ME3: variants seen among roughly 807,000 people sequenced by gnomAD.
ME3 encodes NADP-dependent malic enzyme, mitochondrial.
A neutral mutation model predicts 68.9 loss-of-function variants in ME3; 48 were observed. The observed-to-expected ratio is 0.70, with a 90% CI of 0.55 to 0.89. The LOEUF is 0.89. Ranked by LOEUF, ME3 falls within the 40% of genes least tolerant of loss-of-function variation. ME3 has a pLI of 0.00. For missense variants in ME3, 675 were observed against 797.4 expected (o/e 0.85, Z 1.85); for synonymous variants, 320 against 318.8 (o/e 1.00, Z -0.04).
At chr11:86,655,933 G>A (rs1353645672) in intron 2 of ME3, among the ~76,000 whole-genome samples, 3 of 152,020 alleles carry the variant, frequency 2.0e-5, no homozygotes, top group South Asian at 4.2e-4. Flanking sequence ...CAAAAAGTGG[G>A]CCAAGGACAT....
rs560490304 is a variant in ME3 at position 86,598,180 on chromosome 11, G to C, written c.184-38357C>G. Among the ~76,000 whole-genome samples the C allele has an allele frequency of 2.0e-5, 3 of 152,318 alleles. No individual in the cohort carries two copies. In the East Asian group the frequency reaches 5.8e-4, roughly 30 times the overall value. ...CTCGGGAAGTGCAAGGGGTCAGGGA[G>C]TTCCCTTTCCTGGTCAAGGAAAGGG... On this transcript the variant is annotated intron_variant, in intron 2 of 14. Coordinates refer to ENST00000543262, the Ensembl canonical transcript of ME3.
intron 8 of ME3, among the ~76,000 whole-genome samples, chr11:86,459,154 T>C (rs889557716): frequency 2.0e-5 from 3 of 152,126 alleles, no homozygotes; most frequent in African/African-American, 7.2e-5. Flanking sequence ...AGGAAGAGAA[T>C]TCTAGGCAGA....
intron 4 of ME3, among the ~76,000 whole-genome samples, chr11:86,546,712 T>C (rs1158790876): frequency 6.6e-6 from 1 of 152,138 alleles, no homozygotes; most frequent in Non-Finnish European, 1.5e-5. Context: ...TTTTACACTG[T>C]TGGTGAGAGT....
At chr11:86,489,406 T>C (rs952415165) in intron 6 of ME3, among the ~76,000 whole-genome samples, 1 of 152,220 alleles carries the variant, frequency 6.6e-6, no homozygotes, top group Non-Finnish European at 1.5e-5. Flanking sequence ...AATTATAACA[T>C]ATGCTATAAA....
chr11:86,632,728 A>G (rs1156233030), intron 2 of ME3, among the ~76,000 whole-genome samples: 1 of 152,206 alleles, frequency 6.6e-6, no homozygotes, highest in African/African-American at 2.4e-5. Context: ...ACTGCACTCC[A>G]GAGACCTTGG....
chr11:86,532,661 T>C (rs756626214), intron 4 of ME3, among the ~76,000 whole-genome samples: 2 of 152,152 alleles, frequency 1.3e-5, no homozygotes, highest in African/African-American at 4.8e-5. Context: ...AATTTAAAAA[T>C]ATCTTGAGAT....
At chr11:86,604,259 G>A (rs1961263379) in intron 2 of ME3, among the ~76,000 whole-genome samples, 1 of 152,070 alleles carries the variant, frequency 6.6e-6, no homozygotes, top group African/African-American at 2.4e-5. Context: ...CTGTGTTGGT[G>A]TTAAAGCTGG....
intron 4 of ME3, among the ~76,000 whole-genome samples, chr11:86,544,153 G>C (rs951130685): frequency 1.3e-5 from 2 of 152,206 alleles, no homozygotes; most frequent in African/African-American, 4.8e-5. Flanking sequence ...CACAGCTAAA[G>C]CGGTGTTTAG....
intron 2 of ME3, among the ~76,000 whole-genome samples, chr11:86,604,673 ATAT>A (rs1043272706): frequency 1.1e-4 from 17 of 152,312 alleles, no homozygotes; most frequent in African/African-American, 3.6e-4. Flanking sequence ...AATGAGGCAG[ATAT>A]TATTATTTTC....
chr11:86,507,009 C>G (rs1953128571), intron 5 of ME3, among the ~76,000 whole-genome samples: 1 of 152,166 alleles, frequency 6.6e-6, no homozygotes. Context: ...AAATGATACC[C>G]AGACACAGAT....
intron 5 of ME3, among the ~76,000 whole-genome samples, chr11:86,500,522 C>A (rs1952656630): frequency 1.3e-5 from 2 of 152,246 alleles, no homozygotes; most frequent in Non-Finnish European, 2.9e-5. Context: ...TCCTGCCAAC[C>A]AATGTCAGAT....
intron 2 of ME3, among the ~76,000 whole-genome samples, chr11:86,590,350 G>A (rs1040984597): frequency 2.0e-5 from 3 of 152,154 alleles, no homozygotes; most frequent in African/African-American, 7.2e-5. Context: ...GAGAAAGCAA[G>A]GTTAAGAGAA....
intron 8 of ME3, among the ~76,000 whole-genome samples, chr11:86,462,328 G>A (rs1307451477): frequency 6.6e-6 from 1 of 152,178 alleles, no homozygotes; most frequent in Non-Finnish European, 1.5e-5. Context: ...ATAAAATAGG[G>A]ATAGATACTA....
Position 86,450,832 on chromosome 11 carries a change from A to G in ME3, c.920-434T>C, listed in dbSNP as rs117536727. ...ATGGCCTGAGCTGCCCATCTTATCT[A>G]CCAAGTCATAAGGTTGGCTGTGTCT... On this transcript the variant is annotated intron_variant, in intron 8 of 14. Coordinates refer to ENST00000543262, the Ensembl canonical transcript of ME3. 1.0e-2 allele frequency among the ~76,000 whole-genome samples: 1,518 copies of G among 152,342 alleles called. 10 individuals carry two copies. Among genetic ancestry groups the G allele is most frequent in the Non-Finnish European group, 0.016 (1,103 of 68,034 alleles).
intron 4 of ME3, among the ~76,000 whole-genome samples, chr11:86,553,112 G>GC (rs1455188175): frequency 6.6e-6 from 1 of 152,202 alleles, no homozygotes; most frequent in East Asian, 1.9e-4. Context: ...CGCATGCAGA[G>GC]GAGTGTCAAG....
intron 2 of ME3, among the ~76,000 whole-genome samples, chr11:86,587,209 G>T (rs1487773210): frequency 1.3e-5 from 2 of 152,216 alleles, no homozygotes; most frequent in Non-Finnish European, 2.9e-5. Flanking sequence ...CGGAGGCCCA[G>T]GAGGCATTTG....
chr11:86,595,596 T>G (rs531928036), intron 2 of ME3, among the ~76,000 whole-genome samples: 19 of 148,550 alleles, frequency 1.3e-4, no homozygotes, highest in Non-Finnish European at 2.4e-4. Context: ...AAGGATTGAT[T>G]GAGTGTCTCC....
At chr11:86,498,190 A>C in intron 5 of ME3, 66 bp from the exon 6 acceptor site, 1 of 1,522,540 alleles carries the variant, frequency 6.6e-7, no homozygotes, top group Non-Finnish European at 8.8e-7. Flanking sequence ...TCATTTTAGC[A>C]GCCCCAGCCC....
At chr11:86,507,850 T>C (rs765287819) in intron 5 of ME3, among the ~76,000 whole-genome samples, 1 of 151,948 alleles carries the variant, frequency 6.6e-6, no homozygotes, top group Non-Finnish European at 1.5e-5. Context: ...CCAGGCATAG[T>C]GGCCCATGCC....
Sources: allele counts gnomAD v4.1 joint callset (sites outside exome capture counted in the v4.1 genomes callset), GRCh38; gene constraint gnomAD v4.1.1; transcripts MANE v1.5; gene names NCBI Gene and HGNC (gene_info 2026-07-23, HGNC 2026-07-21).